The following LRRC36 variants were observed in gnomAD, a reference collection of about 807,000 sequenced individuals.
LRRC36 encodes leucine rich repeat containing 36.
In LRRC36, 62 loss-of-function variants were observed where a neutral mutation model predicts 81.1. The ratio of observed to expected loss-of-function variants is 0.76; its 90% CI spans 0.62 to 0.94. LRRC36 has a LOEUF of 0.94. Among genes scored for constraint, LRRC36 ranks in the 40% least tolerant of loss-of-function variants. The probability of loss-of-function intolerance (pLI) is 0.00; values close to 1 mark genes in which losing one functional copy is unlikely to be tolerated. For synonymous variants in LRRC36, 334 were observed against 348.6 expected (o/e 0.96, Z 0.47); for missense variants, 761 against 881.7 (o/e 0.86, Z 1.73).
In LRRC36 at chr16:67,371,183, G is replaced by A; in HGVS notation, c.1435G>A (p.Asp479Asn). ...ATCGAAGAGAGGATTCAAATGGAAG[G>A]ACAATATCCTTGCCAACCTGAATCT... ...SPSKRGFKWK[D>N]NILANLNLKH... The change falls in exon 9 of 14, where the codon GAC (aspartate) becomes AAC (asparagine). Residue 479 changes from aspartate to asparagine, a missense_variant. By Grantham distance (23) the Asp-to-Asn change is conservative. This residue lies in a region of LRRC36 where 359 missense variants were observed against 388.4 expected (regional missense o/e 0.92). Transcript: ENST00000329956. 1.2e-6 allele frequency: 2 copies of A among 1,614,192 alleles called. No homozygotes were observed. The highest frequency in any genetic ancestry group is 1.7e-5 in the Admixed American group (1 of 60,026).
intron 3 of LRRC36, chr16:67,347,293 G>A: frequency 1.1e-6 from 1 of 887,570 alleles, no homozygotes; most frequent in Non-Finnish European, 1.6e-6. Flanking sequence ...GTGAGGCAGT[G>A]GTCGCTATGG....
chr16:67,375,148 A>G, intron 9 of LRRC36, 99 bp from the exon 10 acceptor site: 1 of 1,383,182 alleles, frequency 7.2e-7, no homozygotes, highest in East Asian at 2.3e-5. Context: ...TAAAAAAAAA[A>G]AAGTCTCAAT....
intron 1 of LRRC36, 150 bp downstream of exon 1, chr16:67,327,082 G>A (rs2037219267): frequency 2.8e-6 from 2 of 715,534 alleles, no homozygotes; most frequent in East Asian, 3.4e-5. Context: ...GATAACTTGA[G>A]GCAGAAGGTT....
intron 5 of LRRC36, among the ~76,000 whole-genome samples, chr16:67,355,190 T>TTGGCAATTA (rs1028707684): frequency 6.6e-6 from 1 of 152,180 alleles, no homozygotes; most frequent in Non-Finnish European, 1.5e-5. Context: ...CTTCCAAGTT[T>TTGGCAATTA]TGGCAATTAT....
intron 1 of LRRC36, among the ~76,000 whole-genome samples, chr16:67,328,174 CTG>C (rs2037293574): frequency 6.6e-6 from 1 of 152,004 alleles, no homozygotes; most frequent in African/African-American, 2.4e-5. Flanking sequence ...CTCATTTTGA[CTG>C]TTAAAATAAT....
At chr16:67,366,931 G>A (rs2039422540) in intron 7 of LRRC36, 86 bp from the exon 8 acceptor site, 1 of 1,037,436 alleles carries the variant, frequency 9.6e-7, no homozygotes, top group East Asian at 2.4e-5. Flanking sequence ...GGCAGACAGA[G>A]AATATGTTCA....
chr16:67,358,576 C>T (rs2039006574), intron 5 of LRRC36, among the ~76,000 whole-genome samples: 1 of 150,236 alleles, frequency 6.7e-6, no homozygotes. Flanking sequence ...TGGTCTTGAA[C>T]TCTTGGCCTG....
At chr16:67,342,287 T>C (rs2038126439) in intron 2 of LRRC36, among the ~76,000 whole-genome samples, 1 of 152,350 alleles carries the variant, frequency 6.6e-6, no homozygotes, top group Non-Finnish European at 1.5e-5. Context: ...GGGCAATTTA[T>C]TTTATACTCT....
chr16:67,326,836 G>A lies in LRRC36; in HGVS notation c.-27G>A, dbSNP rs751520905. 1 of 1,417,762 alleles carries A rather than the reference G, an allele frequency of 7.1e-7. No individual in the cohort carries two copies. The highest frequency in any genetic ancestry group is 1.6e-5 in the South Asian group (1 of 63,154). 87.8% of individuals were successfully genotyped at this position (1,417,762 alleles called of 1,614,324 possible). The stretch of plus-strand genomic sequence containing the variant: ...TGGCGTGCGCCGGGTGGTCTCGCGG[G>A]CGGTGGCAGGTGAGCGGCGGGCGGG... On this transcript the variant is annotated 5_prime_UTR_variant, in exon 1 of 14. Coordinates refer to ENST00000329956, the MANE Select transcript of LRRC36 (RefSeq NM_018296.6).
At chr16:67,344,115 C>G (rs1567472936) in intron 2 of LRRC36, among the ~76,000 whole-genome samples, 1 of 152,136 alleles carries the variant, frequency 6.6e-6, no homozygotes, top group Non-Finnish European at 1.5e-5. Context: ...CCATGCCCAG[C>G]CACATCTGTG....
chr16:67,339,287 G>T (rs2037917632), intron 1 of LRRC36, among the ~76,000 whole-genome samples: 2 of 149,358 alleles, frequency 1.3e-5, no homozygotes, highest in Admixed American at 6.7e-5. Flanking sequence ...GGCAATTAGT[G>T]TCTTCATATT....
At chr16:67,378,776 C>T (rs925787077) in intron 12 of LRRC36, 64 bp downstream of exon 12, 23 of 1,557,154 alleles carry the variant, frequency 1.5e-5, no homozygotes, top group Non-Finnish European at 2.0e-5. Flanking sequence ...ATAGATGACC[C>T]ATTTAGTAAC....
chr16:67,380,632 TACTC>T (rs2040072222), intron 12 of LRRC36, among the ~76,000 whole-genome samples: 1 of 152,228 alleles, frequency 6.6e-6, no homozygotes, highest in African/African-American at 2.4e-5. Context: ...CACTATCTGA[TACTC>T]ACAGGCCCGA....
In LRRC36 at chr16:67,341,054, TAC is replaced by T. The variant is rs1294253161; in HGVS notation, c.71-901_71-900del. ...TACATATTCTATAGAATATGTACTCTACATATTCTATAGAATATGTACTCTAC... is the reference window on the plus strand; with the variant it reads ...TACATATTCTATAGAATATGTACTCTATATTCTATAGAATATGTACTCTAC... On this transcript the variant is annotated intron_variant, in intron 1 of 13. Transcript: ENST00000329956. 4.9e-4 allele frequency among the ~76,000 whole-genome samples: 59 copies of T among 119,774 alleles called. 12 individuals are homozygous for T. Among genetic ancestry groups the T allele is most frequent in the African/African-American group, 2.0e-3 (56 of 28,576 alleles). The allele number at this position is 119,774 out of a possible 152,430, so 78.6% of individuals were successfully genotyped here.
chr16:67,330,118 G>T (rs904657642), intron 1 of LRRC36, among the ~76,000 whole-genome samples: 1 of 151,508 alleles, frequency 6.6e-6, no homozygotes, highest in Non-Finnish European at 1.5e-5. Context: ...ACATTTTCCC[G>T]TGTTCCCTGT....
chr16:67,352,513 G>C (rs186697222), intron 5 of LRRC36, among the ~76,000 whole-genome samples: 2 of 151,914 alleles, frequency 1.3e-5, no homozygotes, highest in Non-Finnish European at 2.9e-5. Context: ...TCTTTGAAAG[G>C]TTCCTCTCTC....
chr16:67,374,172 G>C (rs190153422), intron 9 of LRRC36, among the ~76,000 whole-genome samples: 11 of 151,412 alleles, frequency 7.3e-5, no homozygotes, highest in Admixed American at 1.3e-4. Flanking sequence ...CTCCAGCCTG[G>C]GTACAAAGCT....
chr16:67,366,467 T>C (rs1024587660), intron 7 of LRRC36, among the ~76,000 whole-genome samples: 2 of 151,766 alleles, frequency 1.3e-5, no homozygotes, highest in Non-Finnish European at 2.9e-5. Context: ...ATACAAAAAT[T>C]AGCCGGGCAT....
At chr16:67,339,186 C>T (rs1408360059) in intron 1 of LRRC36, among the ~76,000 whole-genome samples, 3 of 150,532 alleles carry the variant, frequency 2.0e-5, no homozygotes, top group Non-Finnish European at 4.4e-5. Flanking sequence ...TGAGCCACTG[C>T]ACCCAGCCAT....
Sources: gnomAD v4.1 joint callset for allele counts (sites outside exome capture counted in the v4.1 genomes callset) on GRCh38, gnomAD v4.1.1 for gene constraint, gnomAD v4.1.1 regional missense constraint, MANE v1.5 for transcripts, NCBI Gene and HGNC (gene_info 2026-07-23, HGNC 2026-07-21) for gene names.